COL19A1: variants seen among roughly 807,000 people sequenced by gnomAD.
COL19A1 encodes collagen alpha-1(XIX) chain.
COL19A1 carries 159 observed loss-of-function variants against 190.2 expected under a neutral mutation model. The observed-to-expected ratio is 0.84, with a 90% CI of 0.73 to 0.95. The LOEUF is 0.95. Among genes scored for constraint, COL19A1 ranks in the 40% least tolerant of loss-of-function variants. The pLI, the probability that COL19A1 is intolerant of heterozygous loss-of-function variation, is 0.00. For synonymous variants in COL19A1, 509 were observed against 458.9 expected, an observed-to-expected ratio of 1.11 and a Z score of -1.39; for missense variants, 1,418 against 1,431.9, an observed-to-expected ratio of 0.99 and a Z score of 0.16.
At chr6:70,176,609 T>G in intron 42 of COL19A1, 45 bp downstream of exon 42, 744 of 1,593,664 alleles carry the variant, frequency 4.7e-4, no homozygotes, top group Non-Finnish European at 5.9e-4. Context: ...TAAACGGTTC[T>G]ATCTCCATGA....
chr6:70,107,432 C>G (rs1011687949), intron 16 of COL19A1, among the ~76,000 whole-genome samples: 2 of 152,082 alleles, frequency 1.3e-5, no homozygotes, highest in African/African-American at 4.8e-5. Flanking sequence ...GAAATAATAG[C>G]ACCTACCCCA....
chr6:70,101,401 A>C (rs1392715400), intron 15 of COL19A1, among the ~76,000 whole-genome samples: 1 of 152,186 alleles, frequency 6.6e-6, no homozygotes, highest in Non-Finnish European at 1.5e-5. Flanking sequence ...TATTAGATTC[A>C]CGGGTACTTA....
chr6:70,002,342 GTC>G lies in COL19A1; in HGVS notation c.1027-21281_1027-21280del, dbSNP rs573329032. 3.1e-3 allele frequency among the ~76,000 whole-genome samples: 479 copies of G among 152,142 alleles called. 2 individuals carry two copies. The highest frequency in any genetic ancestry group is 9.9e-3 in the African/African-American group (410 of 41,528). On this transcript the variant is annotated intron_variant, in intron 11 of 50. Transcript: ENST00000620364. ...TTAAGTTTTCTTTTTTTGTTGTTGT[GTC>G]TCTGCCCAGTTTTGGTATCAGGAAG... is the stretch of plus-strand genomic sequence containing the variant.
intron 14 of COL19A1, among the ~76,000 whole-genome samples, chr6:70,066,186 C>A (rs149466387): frequency 0.16 from 24,655 of 152,120 alleles, 2,299 homozygotes; most frequent in Admixed American, 0.25. Context: ...ATAGCAAAGA[C>A]TTGGAACCAA....
At chr6:70,031,847 G>A (rs1481724734) in intron 12 of COL19A1, among the ~76,000 whole-genome samples, 2 of 152,102 alleles carry the variant, frequency 1.3e-5, no homozygotes, top group African/African-American at 4.8e-5. Context: ...CATTCAGCCT[G>A]TTGACCTGTT....
chr6:70,019,017 G>T (rs1465305369), intron 11 of COL19A1, among the ~76,000 whole-genome samples: 2 of 152,092 alleles, frequency 1.3e-5, no homozygotes, highest in Admixed American at 1.3e-4. Context: ...GTGAAATATT[G>T]ACAGCATCCA....
At chr6:70,191,136 C>A (rs1487569129) in intron 48 of COL19A1, among the ~76,000 whole-genome samples, 2 of 152,160 alleles carry the variant, frequency 1.3e-5, no homozygotes, top group Non-Finnish European at 2.9e-5. Context: ...AGAGAAAGTT[C>A]TGACCCCTGC....
chr6:69,976,052 T>A (rs1234764163), intron 11 of COL19A1, among the ~76,000 whole-genome samples: 1 of 152,242 alleles, frequency 6.6e-6, no homozygotes, highest in Admixed American at 6.5e-5. Flanking sequence ...ATTTGTTTAA[T>A]AATTAAATCT....
At chr6:69,916,995 A>G (rs1462678588) in intron 4 of COL19A1, among the ~76,000 whole-genome samples, 1 of 152,206 alleles carries the variant, frequency 6.6e-6, no homozygotes, top group Non-Finnish European at 1.5e-5. Flanking sequence ...ATGAAGTGAG[A>G]TGATTGATCT....
chr6:69,933,311 C>T (rs1415283954), intron 7 of COL19A1, among the ~76,000 whole-genome samples: 2 of 152,112 alleles, frequency 1.3e-5, no homozygotes. Flanking sequence ...TACCTCGTGT[C>T]TGGGATATCA....
intron 15 of COL19A1, among the ~76,000 whole-genome samples, chr6:70,094,366 C>T (rs1783112298): frequency 6.6e-6 from 1 of 152,116 alleles, no homozygotes; most frequent in Non-Finnish European, 1.5e-5. Flanking sequence ...TCCTTAATAC[C>T]TTGTTCAGGC....
chr6:69,923,598 A>G (rs1772145917), intron 4 of COL19A1, among the ~76,000 whole-genome samples: 1 of 152,168 alleles, frequency 6.6e-6, no homozygotes, highest in Non-Finnish European at 1.5e-5. Context: ...AATAAACAAG[A>G]AGCTGATCAA....
chr6:70,010,504 C>T (rs1015752278), intron 11 of COL19A1, among the ~76,000 whole-genome samples: 2 of 142,570 alleles, frequency 1.4e-5, no homozygotes, highest in South Asian at 4.4e-4. Flanking sequence ...TGTGTGTGCG[C>T]ACCGTGCGCG....
intron 48 of COL19A1, among the ~76,000 whole-genome samples, chr6:70,195,642 T>A (rs781039): frequency 6.6e-6 from 1 of 152,194 alleles, no homozygotes. Context: ...CCTAGCTGTA[T>A]AGAGAAAGGA....
intron 16 of COL19A1, among the ~76,000 whole-genome samples, chr6:70,121,142 C>T (rs1784860604): frequency 6.6e-6 from 1 of 152,132 alleles, no homozygotes. Flanking sequence ...ACTTGAATTA[C>T]TTAATCTAAA....
chr6:70,031,862 G>A (rs556291264), intron 12 of COL19A1, among the ~76,000 whole-genome samples: 1 of 152,064 alleles, frequency 6.6e-6, no homozygotes, highest in Non-Finnish European at 1.5e-5. Flanking sequence ...CCTGTTTATT[G>A]TCAGCCACTC....
At position 69,871,127 on chromosome 6, in the gene COL19A1, G is replaced by A. The variant is rs182161077; in HGVS notation, c.-33+4487G>A. Among the ~76,000 whole-genome samples, 401 of 152,288 alleles carry A rather than the reference G, an allele frequency of 2.6e-3. 1 individual carries two copies. The highest frequency in any genetic ancestry group is 0.01 in the Middle Eastern group (3 of 294). ...CTGATAAAACTAAGGAATAATGCTA[G>A]ACCTAGTCGTAAACTCTTAGGGATA... On this transcript the variant is annotated intron_variant, in intron 1 of 50. Coordinates refer to ENST00000620364, the MANE Select transcript of COL19A1 (RefSeq NM_001858.6).
intron 15 of COL19A1, among the ~76,000 whole-genome samples, chr6:70,084,551 A>G (rs1582872698): frequency 6.6e-6 from 1 of 152,230 alleles, no homozygotes; most frequent in East Asian, 1.9e-4. Flanking sequence ...GAGAAGCCTG[A>G]TACTGACACA....
intron 9 of COL19A1, among the ~76,000 whole-genome samples, chr6:69,939,965 T>C (rs1471040722): frequency 6.6e-6 from 1 of 152,190 alleles, no homozygotes; most frequent in East Asian, 1.9e-4. Flanking sequence ...CATACACATT[T>C]CTTAACTTGT....
Sources: allele counts gnomAD v4.1 joint callset (sites outside exome capture counted in the v4.1 genomes callset), GRCh38; gene constraint gnomAD v4.1.1; transcripts MANE v1.5; gene names NCBI Gene and HGNC (gene_info 2026-07-23, HGNC 2026-07-21).